Variants in EIF2AK4 observed in about 807,000 individuals in gnomAD.
EIF2AK4 encodes eIF-2-alpha kinase GCN2.
In EIF2AK4, 139 loss-of-function variants were observed where a neutral mutation model predicts 211.1. That is an observed-to-expected ratio of 0.66 (90% CI 0.57 to 0.76). The LOEUF (loss-of-function observed/expected upper bound fraction) is 0.76. Ranked by LOEUF, EIF2AK4 falls within the 30% of genes least tolerant of loss-of-function variation. EIF2AK4 has a pLI of 0.00. For synonymous variants in EIF2AK4, 710 were observed against 751.3 expected (o/e 0.94, Z 0.90); for missense variants, 1,664 against 2,043.8 (o/e 0.81, Z 3.58).
At chr15:40,024,683 C>A (rs1001415253) in intron 32 of EIF2AK4, among the ~76,000 whole-genome samples, 1 of 147,660 alleles carries the variant, frequency 6.8e-6, no homozygotes, top group Non-Finnish European at 1.5e-5. Context: ...GAGGCGTGAG[C>A]CACTGCGCCC....
rs78048736 is a variant in EIF2AK4 at position 40,016,836 on chromosome 15, A to G, written c.3930+164A>G. Among the ~76,000 whole-genome samples the G allele has an allele frequency of 3.5e-3, 529 of 152,298 alleles. 3 individuals are homozygous for G. The highest frequency in any genetic ancestry group is 0.012 in the African/African-American group (498 of 41,562). On this transcript the variant is annotated intron_variant, in intron 28 of 38. Transcript: ENST00000263791. Reference sequence around the variant, plus strand: ...GATATTTAGTAATAATTTTGGCTTAAATCAGGATTTCTTTGCAAGTGCCAC... The same window carrying G: ...GATATTTAGTAATAATTTTGGCTTAGATCAGGATTTCTTTGCAAGTGCCAC...
chr15:40,011,433 T>A, intron 27 of EIF2AK4, 87 bp downstream of exon 27: 2 of 1,178,720 alleles, frequency 1.7e-6, no homozygotes, highest in Non-Finnish European at 2.4e-6. Flanking sequence ...TGCAGTAGGG[T>A]AGCAGCCAGC....
chr15:40,024,873 C>T lies in EIF2AK4; in HGVS notation c.4390-1104C>T, dbSNP rs906916641. On this transcript the variant is annotated intron_variant, in intron 32 of 38. Transcript: ENST00000263791. ...TCCCGAGTAGCTGGGACTACAGGCA[C>T]GCACCACCATGACTGGCTAATTTTT... 2.6e-5 allele frequency among the ~76,000 whole-genome samples: 4 copies of T among 151,892 alleles called. No individual in the cohort carries two copies. The East Asian group carries it at 5.8e-4, about 22-fold the overall frequency.
intron 1 of EIF2AK4, among the ~76,000 whole-genome samples, chr15:39,934,998 G>A (rs2034043004): frequency 6.6e-6 from 1 of 151,922 alleles, no homozygotes; most frequent in South Asian, 2.1e-4. Context: ...GCTTCCCTGG[G>A]CCACACACAA....
chr15:40,000,356 A>T (rs1366103021), intron 20 of EIF2AK4, among the ~76,000 whole-genome samples: 1 of 152,206 alleles, frequency 6.6e-6, no homozygotes, highest in African/African-American at 2.4e-5. Context: ...TTCTTATCTC[A>T]AATATTTCTC....
chr15:39,975,520 C>T (rs1346001970), intron 11 of EIF2AK4: 1 of 152,234 alleles, frequency 6.6e-6, no homozygotes, highest in Non-Finnish European at 1.5e-5. Context: ...ATCATCACCT[C>T]AGTTGACCTG....
intron 24 of EIF2AK4, 45 bp from the exon 25 acceptor site, chr15:40,007,982 T>A (rs773054170): frequency 1.4e-6 from 2 of 1,381,734 alleles, no homozygotes; most frequent in Non-Finnish European, 1.9e-6. Context: ...TACATATTTC[T>A]TTCTAGTAAG....
intron 3 of EIF2AK4, 51 bp downstream of exon 3, chr15:39,943,536 C>T (rs781740480): frequency 2.3e-5 from 32 of 1,398,322 alleles, no homozygotes; most frequent in Non-Finnish European, 3.1e-5. Context: ...TTCCCCATTA[C>T]ACCTCAAATC....
At chr15:40,013,811 T>G (rs193143929) in intron 27 of EIF2AK4, among the ~76,000 whole-genome samples, 60 of 152,258 alleles carry the variant, frequency 3.9e-4, no homozygotes, top group Middle Eastern at 3.4e-3. Flanking sequence ...CTCCCAAATT[T>G]CATGTCCTCA....
chr15:39,935,903 T>C (rs2034058072), intron 1 of EIF2AK4, among the ~76,000 whole-genome samples: 1 of 152,198 alleles, frequency 6.6e-6, no homozygotes, highest in Non-Finnish European at 1.5e-5. Context: ...ATATAAATTA[T>C]TCCCCTTAAC....
chr15:39,934,355 G>C lies in EIF2AK4; in HGVS notation c.144+16G>C. On this transcript the variant is annotated intron_variant, in intron 1 of 38. Transcript: ENST00000263791. ...TTGCGGACCGGTAGGAACGTGGCTT[G>C]TCAGGCCCGGGCTGGCGTGCCCTGG... The C allele has an allele frequency of 6.3e-7, 1 of 1,596,720 alleles. No individual in the cohort carries two copies. The highest frequency in any genetic ancestry group is 2.3e-5 in the East Asian group (1 of 43,664).
rs760498751 is a variant in EIF2AK4 at position 40,008,131 on chromosome 15, T to C, written c.3512T>C (p.Phe1171Ser). 1.9e-6 allele frequency: 3 copies of C among 1,612,598 alleles called. No individual in the cohort carries two copies. Among genetic ancestry groups the C allele is most frequent in the Non-Finnish European group, 2.5e-6 (3 of 1,179,510 alleles). The part of the protein sequence containing the change: ...FDIVTSTTNS[F>S]LPTAEIIYTI... Reference sequence around the variant, plus strand: ...ATTGTCACTTCTACCACCAACAGCTTTCTGCCCACTGCTGAAATTATCTAC... The same window carrying C: ...ATTGTCACTTCTACCACCAACAGCTCTCTGCCCACTGCTGAAATTATCTAC... Residue 1171 changes from phenylalanine (F) to serine (S), a missense_variant, in exon 25 of 39, where the codon TTT becomes TCT. By Grantham distance (155) the Phe-to-Ser change is radical. Coordinates refer to ENST00000263791, the MANE Select transcript of EIF2AK4 (RefSeq NM_001013703.4).
chr15:39,962,543 C>G (rs534546892), intron 7 of EIF2AK4, among the ~76,000 whole-genome samples: 22 of 152,260 alleles, frequency 1.4e-4, no homozygotes, highest in Non-Finnish European at 2.6e-4. Flanking sequence ...ACTGTAACCT[C>G]AAACTCCTGG....
intron 35 of EIF2AK4, 37 bp downstream of exon 35, chr15:40,030,493 G>T (rs771752783): frequency 1.3e-6 from 2 of 1,547,460 alleles, no homozygotes; most frequent in African/African-American, 1.4e-5. Context: ...TTTCTAATAT[G>T]AGTTACAGAA....
intron 5 of EIF2AK4, among the ~76,000 whole-genome samples, chr15:39,954,342 TC>T (rs763992300): frequency 7.2e-5 from 11 of 152,204 alleles, no homozygotes; most frequent in Non-Finnish European, 1.5e-4. Context: ...AACCTCCACC[TC>T]CCAGGTTCAA....
rs768352271 is a variant in EIF2AK4 at position 40,019,129 on chromosome 15, G to A, written c.4102G>A (p.Val1368Ile). 3 of 1,608,202 alleles carry A rather than the reference G, an allele frequency of 1.9e-6. No homozygotes were observed. The South Asian group carries it at 3.3e-5, about 18-fold the overall frequency. ...QFRGPQALGP[V>I]PTAIGVSIAI... ...TAGAGGGCCACAAGCTCTGGGGCCAGTTCCCACTGCCATTGGGGTCAGCAT... is the reference window on the plus strand; with the variant it reads ...TAGAGGGCCACAAGCTCTGGGGCCAATTCCCACTGCCATTGGGGTCAGCAT... Residue 1368 changes from valine to isoleucine, a missense_variant, in exon 30 of 39, where the codon GTT becomes ATT. Around this residue, in one of 7 missense-constraint regions of EIF2AK4, gnomAD observed 622 missense variants for 796.8 expected, o/e 0.78. Coordinates refer to ENST00000263791, the MANE Select transcript of EIF2AK4 (RefSeq NM_001013703.4).
chr15:39,965,965 T>TCCTCCCTGGTCAAACAG, intron 8 of EIF2AK4, 122 bp downstream of exon 8: 1 of 1,338,886 alleles, frequency 7.5e-7, no homozygotes, highest in Non-Finnish European at 1.0e-6. Flanking sequence ...ATGAGAACTG[T>TCCTCCCTGGTCAAACAG]TTGACCAGGG....
chr15:39,934,787 C>T (rs897681054), intron 1 of EIF2AK4, among the ~76,000 whole-genome samples: 2 of 152,212 alleles, frequency 1.3e-5, no homozygotes, highest in Non-Finnish European at 2.9e-5. Context: ...CAAGTCTCAT[C>T]CATGCATTCA....
At chr15:40,005,705 G>A (rs1431150373) in intron 23 of EIF2AK4, among the ~76,000 whole-genome samples, 1 of 151,362 alleles carries the variant, frequency 6.6e-6, no homozygotes, top group African/African-American at 2.4e-5. Flanking sequence ...CCGAGTAGCT[G>A]GGACTGTAGG....
Sources: allele counts gnomAD v4.1 joint callset (sites outside exome capture counted in the v4.1 genomes callset), GRCh38; gene constraint gnomAD v4.1.1; regional missense constraint gnomAD v4.1.1; transcripts MANE v1.5; gene names NCBI Gene and HGNC (gene_info 2026-07-23, HGNC 2026-07-21).